Variants in TRPS1 observed in about 807,000 individuals in gnomAD.
The protein encoded by TRPS1 is zinc finger transcription factor Trps1.
In TRPS1, 6 loss-of-function variants were observed where a neutral mutation model predicts 101.2. The observed-to-expected ratio is 0.06, with a 90% CI of 0.03 to 0.12. The LOEUF (loss-of-function observed/expected upper bound fraction) is 0.12. Among genes scored for constraint, TRPS1 ranks in the 10% least tolerant of loss-of-function variants. The probability of loss-of-function intolerance (pLI) is 1.00; values close to 1 mark genes in which losing one functional copy is unlikely to be tolerated. For synonymous variants in TRPS1, 578 were observed against 589.8 expected, an observed-to-expected ratio of 0.98 and a Z score of 0.29; for missense variants, 1,363 against 1,567.0, an observed-to-expected ratio of 0.87 and a Z score of 2.20.
chr8:115,566,062 T>G (rs1204429644), intron 5 of TRPS1, among the ~76,000 whole-genome samples: 1 of 152,178 alleles, frequency 6.6e-6, no homozygotes, highest in Non-Finnish European at 1.5e-5. Flanking sequence ...ATATCCTATT[T>G]TAAAGAAAAC....
Position 115,418,505 on chromosome 8 carries a change from G to A in TRPS1, c.2701-53C>T, listed in dbSNP as rs1812976725. ...AGAGGTGAGTCACATGATCAGTGGA[G>A]TTAGACCAAATCAACCCAGGAGTTT... On this transcript the variant is annotated intron_variant, in intron 5 of 6. Coordinates refer to ENST00000395715, the MANE Select transcript of TRPS1 (RefSeq NM_014112.5). The surrounding 1 kb of genome is among the most constrained non-coding windows in gnomAD (Gnocchi z 4.3). 3.1e-6 allele frequency: 5 copies of A among 1,613,412 alleles called. No individual in the cohort carries two copies. The African/African-American group carries it at 5.3e-5, about 17-fold the overall frequency.
At chr8:115,453,965 T>G (rs974593117) in intron 5 of TRPS1, among the ~76,000 whole-genome samples, 18 of 152,330 alleles carry the variant, frequency 1.2e-4, no homozygotes, top group African/African-American at 4.3e-4. Flanking sequence ...GGTTGTTTAA[T>G]CTAGTGGTCT....
Position 115,592,676 on chromosome 8 carries a change from T to C in TRPS1, c.2097-5072A>G, listed in dbSNP as rs1817702177. The stretch of plus-strand genomic sequence containing the variant: ...GCCTGGAGCAATATGAACTTTTCAA[T>C]AACCTATACTAAAATTTAGACCAGG... On this transcript the variant is annotated intron_variant, in intron 4 of 6. Coordinates refer to ENST00000395715, the MANE Select transcript of TRPS1 (RefSeq NM_014112.5). 3.0e-5 allele frequency among the ~76,000 whole-genome samples: 3 copies of C among 100,376 alleles called. No homozygotes were observed. In the Admixed American group the frequency reaches 3.6e-4, roughly 12 times the overall value. The allele number at this position is 100,376 out of a possible 152,430, so 65.9% of individuals were successfully genotyped here.
intron 5 of TRPS1, among the ~76,000 whole-genome samples, chr8:115,571,615 G>A (rs535933239): frequency 2.0e-5 from 3 of 151,930 alleles, no homozygotes; most frequent in African/African-American, 4.8e-5. Flanking sequence ...CAGTGTTAGC[G>A]ATTAAACAAC....
Position 115,604,317 on chromosome 8 carries a change from G to A in TRPS1, c.1652C>T (p.Pro551Leu), listed in dbSNP as rs2130491714. 1.2e-6 allele frequency: 2 copies of A among 1,614,064 alleles called. No individual in the cohort carries two copies. Among genetic ancestry groups the A allele is most frequent in the East Asian group, 2.2e-5 (1 of 44,868 alleles). ...CDFRYSKSHG[P>L]DVIVVGPLLR... Reference sequence around the variant, plus strand: ...AAGTGGCCCCACTACAATTACATCAGGGCCATGGCTTTTGGAATATCGGAA... The same window carrying A: ...AAGTGGCCCCACTACAATTACATCAAGGCCATGGCTTTTGGAATATCGGAA... The change falls in exon 4 of 7, where the codon CCT becomes CTT. Residue 551 changes from proline to leucine, a missense_variant. Physicochemically the swap from Pro to Leu is moderately conservative, Grantham distance 98. Around this residue, in one of 5 missense-constraint regions of TRPS1, gnomAD observed 1,020 missense variants for 1,073.0 expected, o/e 0.95. Coordinates refer to ENST00000395715, the MANE Select transcript of TRPS1 (RefSeq NM_014112.5). The surrounding 1 kb of genome is among the most constrained non-coding windows in gnomAD (Gnocchi z 4.1).
At chr8:115,507,530 A>T (rs564290064) in intron 5 of TRPS1, among the ~76,000 whole-genome samples, 1 of 150,262 alleles carries the variant, frequency 6.7e-6, no homozygotes, top group East Asian at 2.0e-4. Context: ...ACAGAGAAGC[A>T]CAGAAACGAC....
At chr8:115,523,413 A>G (rs535504124) in intron 5 of TRPS1, among the ~76,000 whole-genome samples, 3 of 152,256 alleles carry the variant, frequency 2.0e-5, no homozygotes, top group Admixed American at 6.5e-5. Context: ...ACATGTGGGT[A>G]CATGTGAAAG....
Position 115,429,560 on chromosome 8 carries a change from C to A in TRPS1, c.2701-11108G>T, listed in dbSNP as rs79567212. On this transcript the variant is annotated intron_variant, in intron 5 of 6. Coordinates refer to ENST00000395715, the MANE Select transcript of TRPS1 (RefSeq NM_014112.5). Reference sequence around the variant, plus strand: ...TCGCATCAAGCATTCTGGAGAGTGCCCCTCAGTCATCCGTACCAAAAGGAA... The same window carrying A: ...TCGCATCAAGCATTCTGGAGAGTGCACCTCAGTCATCCGTACCAAAAGGAA... Among the ~76,000 whole-genome samples the A allele has an allele frequency of 5.0e-3, 754 of 152,124 alleles. 10 individuals are homozygous for A. The highest frequency in any genetic ancestry group is 0.018 in the African/African-American group (729 of 41,508).
chr8:115,427,793 G>C (rs949562123), intron 5 of TRPS1, among the ~76,000 whole-genome samples: 5 of 145,016 alleles, frequency 3.4e-5, no homozygotes, highest in Non-Finnish European at 7.6e-5. Context: ...TTTTGAGGTC[G>C]ACAGACACAG....
chr8:115,528,089 A>G (rs1816043470), intron 5 of TRPS1, among the ~76,000 whole-genome samples: 1 of 152,136 alleles, frequency 6.6e-6, no homozygotes, highest in South Asian at 2.1e-4. Context: ...CAGCATTAAG[A>G]AGCAATCACT....
At position 115,612,253 on chromosome 8, in the gene TRPS1, G is replaced by T. The variant is rs142031123; in HGVS notation, c.966+6879C>A. ...GCACAAAAAAGAAATCAAAGGAAAG[G>T]AGAGGAAGATGAGGAGGAGGAGGAA... On this transcript the variant is annotated intron_variant, in intron 3 of 6. Transcript: ENST00000395715. Among the ~76,000 whole-genome samples the T allele has an allele frequency of 2.9e-3, 435 of 152,030 alleles. 2 individuals carry two copies. The highest frequency in any genetic ancestry group is 9.8e-3 in the African/African-American group (408 of 41,460).
chr8:115,665,450 A>G (rs181407476), intron 1 of TRPS1, among the ~76,000 whole-genome samples: 53 of 152,252 alleles, frequency 3.5e-4, no homozygotes, highest in Middle Eastern at 3.4e-3. Context: ...AGATGCATGC[A>G]TTTCCCTGTT....
intron 1 of TRPS1, among the ~76,000 whole-genome samples, chr8:115,626,302 C>G (rs1010240695): frequency 1.2e-4 from 18 of 150,634 alleles, no homozygotes; most frequent in African/African-American, 4.4e-4. Context: ...AAAAAAAACA[C>G]TTGAATCCTG....
intron 5 of TRPS1, among the ~76,000 whole-genome samples, chr8:115,528,193 C>G (rs1816046404): frequency 6.6e-6 from 1 of 151,986 alleles, no homozygotes. Flanking sequence ...TTACTAAACT[C>G]TATAATAATT....
chr8:115,603,575 A>C (rs1817956698), intron 4 of TRPS1, among the ~76,000 whole-genome samples: 1 of 152,194 alleles, frequency 6.6e-6, no homozygotes, highest in Admixed American at 6.5e-5. Context: ...TAAATTAGTA[A>C]ACTCATCAGC....
At chr8:115,503,886 T>C (rs1310753404) in intron 5 of TRPS1, among the ~76,000 whole-genome samples, 1 of 152,214 alleles carries the variant, frequency 6.6e-6, no homozygotes, top group Non-Finnish European at 1.5e-5. Context: ...TATCCCCTTA[T>C]TTGGTATCAT....
intron 5 of TRPS1, among the ~76,000 whole-genome samples, chr8:115,487,536 C>G (rs2130088815): frequency 6.6e-6 from 1 of 152,322 alleles, no homozygotes; most frequent in East Asian, 1.9e-4. Context: ...ATTCACCACT[C>G]TAGATGGCAT....
chr8:115,517,472 G>A (rs970776997), intron 5 of TRPS1, among the ~76,000 whole-genome samples: 8 of 151,594 alleles, frequency 5.3e-5, no homozygotes, highest in Non-Finnish European at 1.2e-4. Flanking sequence ...AAGAGAGAGA[G>A]AGACGATGGG....
chr8:115,486,631 A>C (rs1814886649), intron 5 of TRPS1, among the ~76,000 whole-genome samples: 1 of 152,216 alleles, frequency 6.6e-6, no homozygotes, highest in African/African-American at 2.4e-5. Flanking sequence ...AAATTACCTC[A>C]TTGCTAATAT....
Sources: gnomAD v4.1 joint callset for allele counts (sites outside exome capture counted in the v4.1 genomes callset) on GRCh38, gnomAD v4.1.1 for gene constraint, gnomAD v4.1.1 regional missense constraint, Gnocchi (gnomAD v3.1) non-coding constraint, MANE v1.5 for transcripts, NCBI Gene and HGNC (gene_info 2026-07-23, HGNC 2026-07-21) for gene names.